The following CBLN2 variants were observed in gnomAD, a reference collection of about 807,000 sequenced individuals.
CBLN2 encodes cerebellin 2 precursor, also known as cerebellin-2.
CBLN2 carries 7 observed loss-of-function variants against 15.0 expected under a neutral mutation model. That is an observed-to-expected ratio of 0.47 (90% confidence interval 0.27 to 0.88). The LOEUF is 0.88. Ranked by LOEUF, CBLN2 falls within the 40% of genes least tolerant of loss-of-function variation. The pLI, the probability that CBLN2 is intolerant of heterozygous loss-of-function variation, is 0.14. For missense variants in CBLN2, 242 were observed against 304.5 expected, an observed-to-expected ratio of 0.79 and a Z score of 1.53; for synonymous variants, 149 against 135.2, an observed-to-expected ratio of 1.10 and a Z score of -0.71.
intron 1 of CBLN2, among the ~76,000 whole-genome samples, chr18:72,555,116 C>A (rs989952792): frequency 2.0e-5 from 3 of 149,628 alleles, no homozygotes; most frequent in Non-Finnish European, 4.5e-5. Context: ...GCCTGGGTGA[C>A]AGAACGAGAT....
At chr18:72,587,528 G>T (rs2069452058) in intron 1 of CBLN2, among the ~76,000 whole-genome samples, 1 of 151,982 alleles carries the variant, frequency 6.6e-6, no homozygotes. Flanking sequence ...AGACTACAAA[G>T]TTAGGAAAGA....
At chr18:72,587,813 C>T (rs2069453691) in intron 1 of CBLN2, among the ~76,000 whole-genome samples, 1 of 152,148 alleles carries the variant, frequency 6.6e-6, no homozygotes, top group Admixed American at 6.5e-5. Context: ...CAAGTGCAAA[C>T]TTCTACTTCT....
At chr18:72,615,058 A>T (rs1036372532) in intron 1 of CBLN2, among the ~76,000 whole-genome samples, 10 of 131,028 alleles carry the variant, frequency 7.6e-5, no homozygotes, top group East Asian at 2.1e-4. Context: ...TATATATATA[A>T]ATATATATAT....
rs2069512645 is a variant in CBLN2, at chr18:72,596,222, A to G, written c.15+42103T>C. 2.6e-5 allele frequency among the ~76,000 whole-genome samples: 4 copies of G among 152,072 alleles called. No homozygotes were observed. The South Asian group carries it at 8.3e-4, about 32-fold the overall frequency. On this transcript the variant is annotated intron_variant, in intron 1 of 2. Transcript: ENST00000581073. Reference sequence around the variant, plus strand: ...TGCGGTTACATGAAGCTTGCAAATAATATTTTATTGCCCATGATTTGAAAC... The same window carrying G: ...TGCGGTTACATGAAGCTTGCAAATAGTATTTTATTGCCCATGATTTGAAAC...
At position 72,615,467 on chromosome 18, in the gene CBLN2, G is replaced by C. The variant is rs553898076; in HGVS notation, c.15+22858C>G. ...AACTTTGTATTTTTAGTAGAGAAGG[G>C]GTTTCCCCATGTTGGTCAGGCTGGT... On this transcript the variant is annotated intron_variant, in intron 1 of 2. Transcript: ENST00000581073. Among the ~76,000 whole-genome samples, 4 of 151,306 alleles carry C rather than the reference G, an allele frequency of 2.6e-5. No individual in the cohort carries two copies. The South Asian group carries it at 8.3e-4, about 32-fold the overall frequency.
intron 1 of CBLN2, among the ~76,000 whole-genome samples, chr18:72,566,770 A>C (rs1470490160): frequency 1.3e-5 from 2 of 152,156 alleles, no homozygotes; most frequent in Non-Finnish European, 2.9e-5. Context: ...TATAATTCAA[A>C]ATAACTGAAA....
intron 1 of CBLN2, chr18:72,618,990 T>C: frequency 2.6e-6 from 2 of 766,288 alleles, no homozygotes; most frequent in South Asian, 1.3e-5. Flanking sequence ...GCAGCGGGGA[T>C]GGTCATCATG....
intron 1 of CBLN2, among the ~76,000 whole-genome samples, chr18:72,555,199 G>C (rs1432743539): frequency 6.6e-6 from 1 of 151,874 alleles, no homozygotes; most frequent in Non-Finnish European, 1.5e-5. Flanking sequence ...ATAACTGAAG[G>C]CACAATGCCG....
upstream of CBLN2, among the ~76,000 whole-genome samples, chr18:72,545,746 C>T (rs2069153340): frequency 6.6e-6 from 1 of 152,154 alleles, no homozygotes. Context: ...CATAATTAGA[C>T]CAATCTGGGG....
At chr18:72,614,462 T>A (rs1599023793) in intron 1 of CBLN2, among the ~76,000 whole-genome samples, 1 of 152,202 alleles carries the variant, frequency 6.6e-6, no homozygotes, top group Non-Finnish European at 1.5e-5. Context: ...AAATAATTTT[T>A]CAAATTTTTT....
chr18:72,548,546 C>T (rs1193584301), upstream of CBLN2, among the ~76,000 whole-genome samples: 2 of 152,150 alleles, frequency 1.3e-5, no homozygotes, highest in African/African-American at 2.4e-5. Context: ...GCTCAGGATC[C>T]GTTCTTCTGA....
At chr18:72,624,108 G>A (rs945869441) in intron 1 of CBLN2, among the ~76,000 whole-genome samples, 6 of 151,964 alleles carry the variant, frequency 3.9e-5, no homozygotes, top group African/African-American at 9.7e-5. Context: ...ATTGCTCACT[G>A]ACTCACAGTG....
At chr18:72,586,767 T>C (rs1183942444) in intron 1 of CBLN2, among the ~76,000 whole-genome samples, 2 of 152,144 alleles carry the variant, frequency 1.3e-5, no homozygotes, top group Non-Finnish European at 2.9e-5. Context: ...ACCATATAAA[T>C]AGGCATTAAC....
At chr18:72,602,721 TGCC>T (rs2069557004) in intron 1 of CBLN2, among the ~76,000 whole-genome samples, 2 of 152,180 alleles carry the variant, frequency 1.3e-5, no homozygotes, top group Non-Finnish European at 2.9e-5. Flanking sequence ...AACTGAGATT[TGCC>T]ACCGAAGAAA....
chr18:72,599,565 A>G (rs985113607), intron 1 of CBLN2, among the ~76,000 whole-genome samples: 2 of 152,216 alleles, frequency 1.3e-5, no homozygotes, highest in African/African-American at 4.8e-5. Context: ...TTACTTGCTG[A>G]TTAACCAAAT....
At chr18:72,631,363 CA>C (rs2069775203) in intron 1 of CBLN2, among the ~76,000 whole-genome samples, 1 of 150,994 alleles carries the variant, frequency 6.6e-6, no homozygotes. Context: ...CTTGGGGTTG[CA>C]AATTATAACA....
intron 4 of CBLN2, 100 bp downstream of exon 4, chr18:72,538,553 T>C (rs187730276): frequency 7.9e-6 from 12 of 1,526,044 alleles, no homozygotes; most frequent in Middle Eastern, 3.6e-4. Flanking sequence ...GACAGACCAG[T>C]ACCCTGTCTC....
At chr18:72,578,360 A>G (rs535531609) in intron 1 of CBLN2, among the ~76,000 whole-genome samples, 26 of 152,220 alleles carry the variant, frequency 1.7e-4, no homozygotes, top group Non-Finnish European at 1.5e-4. Context: ...CATGATGTAT[A>G]CATACAAAAT....
At chr18:72,596,599 G>A (rs900319677) in intron 1 of CBLN2, among the ~76,000 whole-genome samples, 4 of 152,164 alleles carry the variant, frequency 2.6e-5, no homozygotes, top group Non-Finnish European at 5.9e-5. Flanking sequence ...CTTGTAGGAT[G>A]AGTCTGTTGT....
Sources: gnomAD v4.1 joint callset for allele counts (sites outside exome capture counted in the v4.1 genomes callset) on GRCh38, gnomAD v4.1.1 for gene constraint, MANE v1.5 for transcripts, NCBI Gene and HGNC (gene_info 2026-07-23, HGNC 2026-07-21) for gene names.